DNAJB6: variants seen among roughly 807,000 people sequenced by gnomAD.
The protein encoded by DNAJB6 is DnaJ heat shock protein family (Hsp40) member B6.
Under a neutral mutation model 42.7 loss-of-function variants are expected in DNAJB6, and 16 were observed. The ratio of observed to expected loss-of-function variants is 0.37; its 90% CI spans 0.25 to 0.57. The LOEUF (loss-of-function observed/expected upper bound fraction) is 0.57. Among genes scored for constraint, DNAJB6 ranks in the 20% least tolerant of loss-of-function variants. DNAJB6 has a pLI of 0.74. For synonymous variants in DNAJB6, 170 were observed against 163.5 expected (o/e 1.04, Z -0.30); for missense variants, 347 against 416.8 (o/e 0.83, Z 1.46).
intron 1 of DNAJB6, among the ~76,000 whole-genome samples, chr7:157,350,088 C>T (rs866556722): frequency 1.3e-5 from 2 of 152,162 alleles, no homozygotes; most frequent in Non-Finnish European, 2.9e-5. Context: ...GCATCCTGCC[C>T]GAATTTTATT....
intron 5 of DNAJB6, among the ~76,000 whole-genome samples, chr7:157,376,630 C>T (rs986221012): frequency 6.6e-6 from 1 of 152,152 alleles, no homozygotes; most frequent in East Asian, 1.9e-4. Flanking sequence ...CCTGTAATCC[C>T]TGCACTTTGG....
At position 157,415,876 on chromosome 7, in the gene DNAJB6, G is replaced by A. The variant is rs7799033; in HGVS notation, c.899-140G>A. ...CACCTTGGAAAGCGCCCGTTTTGAG[G>A]TTTAGCTGTGGCCAAGATAGATGAC... On this transcript the variant is annotated intron_variant, in intron 9 of 9. Coordinates refer to ENST00000262177, the MANE Select transcript of DNAJB6 (RefSeq NM_058246.4). 7.3e-3 allele frequency: 10,837 copies of A among 1,493,960 alleles called. 619 individuals carry two copies. In the African/African-American group the frequency reaches 0.13, roughly 18 times the overall value. 92.5% of individuals were successfully genotyped at this position (1,493,960 alleles called of 1,614,324 possible). A position where few individuals can be genotyped will look rare whatever the true frequency, so the allele number is the denominator to read the frequency against.
At chr7:157,381,437 T>C (rs1800763265) in intron 5 of DNAJB6, 1 of 152,192 alleles carries the variant, frequency 6.6e-6, no homozygotes, top group Non-Finnish European at 1.5e-5. Context: ...TTTGTATGCT[T>C]TATGAATTTT....
chr7:157,395,098 G>A (rs945349319), intron 8 of DNAJB6, among the ~76,000 whole-genome samples: 2 of 130,858 alleles, frequency 1.5e-5, no homozygotes, highest in African/African-American at 3.1e-5. Context: ...TGTGCCCGCC[G>A]CGCCCCCCCA....
At chr7:157,384,440 C>CA (rs1252768409) in intron 6 of DNAJB6, among the ~76,000 whole-genome samples, 2 of 152,088 alleles carry the variant, frequency 1.3e-5, no homozygotes, top group Admixed American at 6.6e-5. Flanking sequence ...CAAGCCACGC[C>CA]AAAGCAAACA....
chr7:157,347,838 C>T (rs949103440), intron 1 of DNAJB6, among the ~76,000 whole-genome samples: 2 of 152,182 alleles, frequency 1.3e-5, no homozygotes, highest in African/African-American at 4.8e-5. Flanking sequence ...CTCTGTCACC[C>T]TGGCTGGAGT....
At chr7:157,393,256 T>C (rs1044843677) in intron 8 of DNAJB6, among the ~76,000 whole-genome samples, 2 of 152,172 alleles carry the variant, frequency 1.3e-5, no homozygotes, top group African/African-American at 4.8e-5. Flanking sequence ...GGATTACAGG[T>C]GTGAGCCACT....
intron 8 of DNAJB6, among the ~76,000 whole-genome samples, chr7:157,388,940 C>T (rs1801211833): frequency 6.6e-6 from 1 of 152,094 alleles, no homozygotes; most frequent in Admixed American, 6.6e-5. Flanking sequence ...ATTTTGGAAA[C>T]TCGGGGTTTT....
intron 8 of DNAJB6, among the ~76,000 whole-genome samples, chr7:157,402,748 G>A (rs1795581400): frequency 6.6e-6 from 1 of 152,212 alleles, no homozygotes; most frequent in South Asian, 2.1e-4. Context: ...GGGGCCTGTG[G>A]TTTCTTATTT....
intron 8 of DNAJB6, chr7:157,386,326 CT>C: frequency 2.0e-6 from 2 of 984,332 alleles, no homozygotes; most frequent in Non-Finnish European, 2.4e-6. Context: ...GGATCTGGAG[CT>C]TTTTTGTGTC....
intron 2 of DNAJB6, among the ~76,000 whole-genome samples, chr7:157,360,857 T>C (rs1358468131): frequency 6.6e-6 from 1 of 152,196 alleles, no homozygotes; most frequent in Non-Finnish European, 1.5e-5. Flanking sequence ...TCCTTGGTGC[T>C]GAAGTACTGG....
intron 9 of DNAJB6, chr7:157,415,078 G>GT (rs1250297138): frequency 1.3e-5 from 2 of 152,282 alleles, no homozygotes; most frequent in African/African-American, 2.4e-5. Context: ...GTGGGTCTTT[G>GT]GAGAGTTCTG....
At chr7:157,361,953 A>G (rs927709898) in intron 2 of DNAJB6, among the ~76,000 whole-genome samples, 3 of 151,734 alleles carry the variant, frequency 2.0e-5, no homozygotes, top group Non-Finnish European at 4.4e-5. Flanking sequence ...TTTAGTAGAG[A>G]TGGGGTTTTG....
intron 8 of DNAJB6, among the ~76,000 whole-genome samples, chr7:157,402,974 C>T (rs143152890): frequency 2.0e-5 from 3 of 152,172 alleles, no homozygotes; most frequent in East Asian, 1.9e-4. Context: ...GTTGAGGACA[C>T]GCCCGTGACA....
rs1030096912 is a variant in DNAJB6 at position 157,417,070 on chromosome 7, C to T, written c.*972C>T. 5 of 152,404 alleles carry T rather than the reference C, an allele frequency of 3.3e-5. 1 individual carries two copies. Among genetic ancestry groups the T allele is most frequent in the Admixed American group, 3.3e-4 (5 of 15,312 alleles). 9.4% of individuals were successfully genotyped at this position (152,404 alleles called of 1,614,324 possible). On this transcript the variant is annotated 3_prime_UTR_variant, in exon 10 of 10. Coordinates refer to ENST00000262177, the MANE Select transcript of DNAJB6 (RefSeq NM_058246.4). ...GACTTCTTCCCTGCATGCTCCCTCCCAGTGACTTTCCTTCCCTTTCACATG... is the reference window on the plus strand; with the variant it reads ...GACTTCTTCCCTGCATGCTCCCTCCTAGTGACTTTCCTTCCCTTTCACATG...
chr7:157,395,264 A>C (rs1801530152), intron 8 of DNAJB6, among the ~76,000 whole-genome samples: 1 of 152,188 alleles, frequency 6.6e-6, no homozygotes, highest in South Asian at 2.1e-4. Flanking sequence ...CTGGCCACTT[A>C]ATGTAGTTAA....
chr7:157,358,284 G>T (rs777067017), intron 1 of DNAJB6, among the ~76,000 whole-genome samples: 1 of 152,134 alleles, frequency 6.6e-6, no homozygotes, highest in Admixed American at 6.6e-5. Flanking sequence ...AGAGTCACCT[G>T]TTGTTTAGTT....
chr7:157,359,487 A>G (rs1383434100), intron 2 of DNAJB6, among the ~76,000 whole-genome samples: 2 of 152,130 alleles, frequency 1.3e-5, no homozygotes, highest in Non-Finnish European at 2.9e-5. Context: ...TGCTGCGGTT[A>G]TATTTGTGAG....
intron 5 of DNAJB6, chr7:157,372,210 TGGA>T (rs1032219346): frequency 1.3e-5 from 2 of 152,588 alleles, no homozygotes; most frequent in African/African-American, 4.8e-5. Flanking sequence ...CTGCCCAGGG[TGGA>T]GGAGGCCACA....
Sources: allele counts gnomAD v4.1 joint callset (sites outside exome capture counted in the v4.1 genomes callset), GRCh38; gene constraint gnomAD v4.1.1; transcripts MANE v1.5; gene names NCBI Gene and HGNC (gene_info 2026-07-23, HGNC 2026-07-21).